The following GFRA1 variants were observed in gnomAD, a reference collection of about 807,000 sequenced individuals.
GFRA1 encodes GDNF family receptor alpha-1.
In GFRA1, 16 loss-of-function variants were observed where a neutral mutation model predicts 51.6. The ratio of observed to expected loss-of-function variants is 0.31; its 90% confidence interval spans 0.21 to 0.47. GFRA1 has a LOEUF of 0.47. GFRA1 is among the 20% of genes least tolerant of loss of function. The probability of loss-of-function intolerance (pLI) is 1.00; values close to 1 mark genes in which losing one functional copy is unlikely to be tolerated. For missense variants in GFRA1, 530 were observed against 594.3 expected (o/e 0.89, Z 1.13); for synonymous variants, 270 against 241.3 (o/e 1.12, Z -1.10).
chr10:116,091,773 T>G (rs932300333), intron 8 of GFRA1, among the ~76,000 whole-genome samples: 1 of 152,218 alleles, frequency 6.6e-6, no homozygotes, highest in Non-Finnish European at 1.5e-5. Flanking sequence ...GATGGCCCTG[T>G]GTCTTTGGGG....
intron 9 of GFRA1, among the ~76,000 whole-genome samples, chr10:116,087,746 TA>T (rs1956157792): frequency 6.6e-6 from 1 of 152,080 alleles, no homozygotes; most frequent in African/African-American, 2.4e-5. Context: ...AAGGCTGACC[TA>T]GGAGGAAGCA....
chr10:116,138,724 A>G (rs1958440474), intron 5 of GFRA1, among the ~76,000 whole-genome samples: 1 of 151,406 alleles, frequency 6.6e-6, no homozygotes, highest in African/African-American at 2.4e-5. Context: ...AGGAAGAACA[A>G]AAGAACTGAC....
intron 5 of GFRA1, among the ~76,000 whole-genome samples, chr10:116,189,992 A>G (rs558358453): frequency 2.6e-5 from 4 of 152,070 alleles, no homozygotes; most frequent in Non-Finnish European, 5.9e-5. Flanking sequence ...GCCTGATGAG[A>G]GCCCCAGGCG....
intron 9 of GFRA1, among the ~76,000 whole-genome samples, chr10:116,077,163 G>A (rs551409399): frequency 6.6e-6 from 1 of 152,288 alleles, no homozygotes; most frequent in East Asian, 1.9e-4. Flanking sequence ...TGTTTAAGCT[G>A]GAGTTCTCCT....
At chr10:116,084,922 C>G (rs1467144761) in intron 9 of GFRA1, among the ~76,000 whole-genome samples, 1 of 148,420 alleles carries the variant, frequency 6.7e-6, no homozygotes, top group African/African-American at 2.5e-5. Context: ...TTCCATATGA[C>G]CATTTCATAT....
intron 6 of GFRA1, among the ~76,000 whole-genome samples, chr10:116,115,615 GA>G (rs1272972720): frequency 5.9e-5 from 9 of 152,170 alleles, no homozygotes; most frequent in African/African-American, 2.2e-4. Context: ...CCCACGCGAA[GA>G]TGAGACTGCT....
At position 116,124,029 on chromosome 10, in the gene GFRA1, T is replaced by C. The variant is rs545100201; in HGVS notation, c.770+1192A>G. ...AAGCAATTCTCCTGCCTCAGCCTCC[T>C]GAGTAGCTGGGACCAAAGGCATGCA... is the stretch of plus-strand genomic sequence containing the variant. On this transcript the variant is annotated intron_variant, in intron 6 of 10. Coordinates refer to ENST00000355422, the MANE Select transcript of GFRA1 (RefSeq NM_005264.8). Among the ~76,000 whole-genome samples the C allele has an allele frequency of 5.3e-5, 8 of 152,072 alleles. No individual in the cohort carries two copies. In the South Asian group the frequency reaches 1.7e-3, roughly 32 times the overall value.
chr10:116,244,425 A>G (rs1001817770), intron 4 of GFRA1, among the ~76,000 whole-genome samples: 2 of 146,874 alleles, frequency 1.4e-5, no homozygotes, highest in African/African-American at 5.0e-5. Context: ...ATTTTATTTC[A>G]TTTAATGTTA....
At chr10:116,121,519 T>A (rs548510459) in intron 6 of GFRA1, among the ~76,000 whole-genome samples, 1 of 152,282 alleles carries the variant, frequency 6.6e-6, no homozygotes, top group East Asian at 1.9e-4. Context: ...TTTGAAGGCA[T>A]GAGGCGGAAG....
rs936812792 is a variant in GFRA1 at position 116,059,562 on chromosome 10, C to T, written c.*4836G>A. On this transcript the variant is annotated 3_prime_UTR_variant, in exon 11 of 11. Coordinates refer to ENST00000355422, the MANE Select transcript of GFRA1 (RefSeq NM_005264.8). ...AGACCTTAGGGGGCTGAGACCTCAA[C>T]GACTATTAGCAGGCTGTGGTTCTCT... 1 of 152,388 alleles carries T rather than the reference C, an allele frequency of 6.6e-6. No homozygotes were observed. The highest frequency in any genetic ancestry group is 1.9e-4 in the East Asian group (1 of 5,164). 9.4% of individuals were successfully genotyped at this position (152,388 alleles called of 1,614,324 possible). A position where few individuals can be genotyped will look rare whatever the true frequency, so the allele number is the denominator to read the frequency against.
intron 6 of GFRA1, among the ~76,000 whole-genome samples, chr10:116,114,581 G>A (rs3930989): frequency 6.6e-6 from 1 of 152,016 alleles, no homozygotes; most frequent in Non-Finnish European, 1.5e-5. Flanking sequence ...AATTTTTTTA[G>A]AGAGAGGGTC....
intron 4 of GFRA1, among the ~76,000 whole-genome samples, chr10:116,262,732 T>C (rs1405221571): frequency 2.0e-5 from 3 of 152,088 alleles, no homozygotes; most frequent in Non-Finnish European, 2.9e-5. Context: ...AAACCAAAAG[T>C]AGTGGTCTGT....
chr10:116,129,847 A>ATC (rs1958032163), intron 5 of GFRA1, among the ~76,000 whole-genome samples: 1 of 151,996 alleles, frequency 6.6e-6, no homozygotes, highest in Non-Finnish European at 1.5e-5. Context: ...TGATCAAGTC[A>ATC]GAGTATTTAG....
intron 4 of GFRA1, among the ~76,000 whole-genome samples, chr10:116,264,661 A>G (rs1350752055): frequency 6.6e-6 from 1 of 152,228 alleles, no homozygotes; most frequent in African/African-American, 2.4e-5. Context: ...TTTCTAAGTA[A>G]AGGCAAGGCC....
intron 5 of GFRA1, among the ~76,000 whole-genome samples, chr10:116,194,641 T>C (rs546336476): frequency 1.5e-4 from 22 of 151,252 alleles, no homozygotes; most frequent in Non-Finnish European, 3.0e-4. Context: ...CTGAGCAACT[T>C]TAATTTTTTT....
intron 5 of GFRA1, among the ~76,000 whole-genome samples, chr10:116,195,983 A>C (rs773742669): frequency 6.6e-6 from 1 of 152,196 alleles, no homozygotes; most frequent in Non-Finnish European, 1.5e-5. Flanking sequence ...TTGAACACTC[A>C]TAAGGTTCAA....
At chr10:116,159,858 G>A (rs1033149908) in intron 5 of GFRA1, among the ~76,000 whole-genome samples, 7 of 152,080 alleles carry the variant, frequency 4.6e-5, no homozygotes, top group Admixed American at 1.3e-4. Context: ...AAAACAAAAC[G>A]TGAAGACCAC....
chr10:116,176,465 GTTGT>G (rs1325292441), intron 5 of GFRA1, among the ~76,000 whole-genome samples: 2 of 152,014 alleles, frequency 1.3e-5, no homozygotes, highest in Non-Finnish European at 2.9e-5. Context: ...GGGAGATCTG[GTTGT>G]TTAAGAGTGT....
At chr10:116,078,677 A>G (rs1161017487) in intron 9 of GFRA1, among the ~76,000 whole-genome samples, 1 of 152,064 alleles carries the variant, frequency 6.6e-6, no homozygotes, top group Non-Finnish European at 1.5e-5. Flanking sequence ...CCAAGGTTAG[A>G]TATAGCCAAG....
Sources: gnomAD v4.1 joint callset for allele counts (sites outside exome capture counted in the v4.1 genomes callset) on GRCh38, gnomAD v4.1.1 for gene constraint, MANE v1.5 for transcripts, NCBI Gene and HGNC (gene_info 2026-07-23, HGNC 2026-07-21) for gene names.